The following ERBB4 variants were observed in gnomAD, a reference collection of about 807,000 sequenced individuals.
ERBB4 encodes erb-b2 receptor tyrosine kinase 4, also known as receptor tyrosine-protein kinase erbB-4.
In ERBB4, 42 loss-of-function variants were observed where a neutral mutation model predicts 158.0. The ratio of observed to expected loss-of-function variants is 0.27; its 90% CI spans 0.21 to 0.34. The LOEUF (loss-of-function observed/expected upper bound fraction) is 0.34. Ranked by LOEUF, ERBB4 falls within the 10% of genes least tolerant of loss-of-function variation. The probability of loss-of-function intolerance (pLI) is 1.00; values close to 1 mark genes in which losing one functional copy is unlikely to be tolerated. For synonymous variants in ERBB4, 583 were observed against 558.7 expected (o/e 1.04, Z -0.61); for missense variants, 1,333 against 1,624.1 (o/e 0.82, Z 3.08).
At chr2:212,288,414 T>C (rs892701800) in intron 1 of ERBB4, among the ~76,000 whole-genome samples, 2 of 152,120 alleles carry the variant, frequency 1.3e-5, no homozygotes, top group East Asian at 3.9e-4. Context: ...CTGTCACTAC[T>C]ACTGAGACAG....
In ERBB4 at chr2:212,483,818, G is replaced by A. The variant is rs182274894; in HGVS notation, c.82+54631C>T. On this transcript the variant is annotated intron_variant, in intron 1 of 27. Transcript: ENST00000342788. The stretch of plus-strand genomic sequence containing the variant: ...GTGGCGCGATCTCAGCTCACTGCAA[G>A]CTCCGCCTTCAGGGTTCACGCCATT... 9.3e-4 allele frequency among the ~76,000 whole-genome samples: 142 copies of A among 152,188 alleles called. 5 individuals carry two copies. The East Asian group carries it at 0.024, about 26-fold the overall frequency.
chr2:212,457,410 C>T (rs951332770), intron 1 of ERBB4, among the ~76,000 whole-genome samples: 4 of 151,958 alleles, frequency 2.6e-5, no homozygotes, highest in African/African-American at 9.7e-5. Context: ...ACAGACTGTT[C>T]CAAATTTTGT....
At chr2:212,169,389 T>A (rs1417763798) in intron 1 of ERBB4, among the ~76,000 whole-genome samples, 2 of 152,034 alleles carry the variant, frequency 1.3e-5, no homozygotes, top group African/African-American at 4.8e-5. Context: ...TGGACAAACC[T>A]GACAAAAACA....
intron 1 of ERBB4, among the ~76,000 whole-genome samples, chr2:212,221,823 C>A (rs185194984): frequency 1.8e-3 from 272 of 151,536 alleles, no homozygotes; most frequent in African/African-American, 5.7e-3. Flanking sequence ...CTAGCACCAA[C>A]ACTATAATTA....
chr2:212,538,376 G>A, intron 1 of ERBB4, 73 bp downstream of exon 1: 3 of 1,329,474 alleles, frequency 2.3e-6, no homozygotes, highest in Non-Finnish European at 3.3e-6. Context: ...GGGTGAAGAG[G>A]GCAGGGGAGC....
chr2:212,165,194 A>G (rs1017488865), intron 1 of ERBB4, among the ~76,000 whole-genome samples: 14 of 151,956 alleles, frequency 9.2e-5, no homozygotes, highest in African/African-American at 3.4e-4. Flanking sequence ...TTAAGATGAA[A>G]CTGGTTCAAT....
At chr2:211,721,932 G>A (rs535535295) in intron 7 of ERBB4, among the ~76,000 whole-genome samples, 18 of 152,082 alleles carry the variant, frequency 1.2e-4, no homozygotes, top group Middle Eastern at 3.4e-3. Context: ...GCACCGTCTC[G>A]GCTCACTGCA....
intron 3 of ERBB4, among the ~76,000 whole-genome samples, chr2:211,861,027 TAAATATAATATATTTATATATTTATA>T (rs1559585193): frequency 1.3e-4 from 4 of 30,252 alleles, no homozygotes; most frequent in African/African-American, 2.0e-4. Context: ...TATATATATA[TAAATATAATATATTTATATATTTATA>T]TATATATAAA....
Position 211,897,590 on chromosome 2 carries a change from C to T in ERBB4, c.421+49840G>A, listed in dbSNP as rs555358067. Reference sequence around the variant, plus strand: ...GAATTAGACCCAGCAGGCCTTCCCTCCTTGACCCTGCCTCAACCAGGAAAA... The same window carrying T: ...GAATTAGACCCAGCAGGCCTTCCCTTCTTGACCCTGCCTCAACCAGGAAAA... On this transcript the variant is annotated intron_variant, in intron 3 of 27. Transcript: ENST00000342788. Among the ~76,000 whole-genome samples, 84 of 152,228 alleles carry T rather than the reference C, an allele frequency of 5.5e-4. 1 individual carries two copies. Among genetic ancestry groups the T allele is most frequent in the Non-Finnish European group, 1.1e-3 (75 of 68,012 alleles).
chr2:212,418,229 A>G (rs939695584), intron 1 of ERBB4, among the ~76,000 whole-genome samples: 3 of 151,954 alleles, frequency 2.0e-5, no homozygotes, highest in Admixed American at 1.3e-4. Flanking sequence ...ACAAATTCCC[A>G]CCATATTAAT....
intron 3 of ERBB4, among the ~76,000 whole-genome samples, chr2:211,917,020 C>T (rs1199402513): frequency 6.6e-6 from 1 of 151,998 alleles, no homozygotes; most frequent in Non-Finnish European, 1.5e-5. Context: ...GATTTGATAC[C>T]AGTGGTTACA....
In ERBB4 at chr2:212,451,624, T is replaced by G. The variant is rs540758310; in HGVS notation, c.82+86825A>C. Among the ~76,000 whole-genome samples the G allele has an allele frequency of 7.2e-5, 11 of 152,354 alleles. No homozygotes were observed. In the East Asian group the frequency reaches 2.1e-3, roughly 29 times the overall value. On this transcript the variant is annotated intron_variant, in intron 1 of 27. Transcript: ENST00000342788. ...CACACACCTAGTTTATCTTTAATAG[T>G]GTTTTTTAATAACCTAACAGTGCTA... is the stretch of plus-strand genomic sequence containing the variant.
chr2:211,381,717 A>C lies in ERBB4; in HGVS notation c.*1898T>G. On this transcript the variant is annotated 3_prime_UTR_variant, in exon 28 of 28. Coordinates refer to ENST00000342788, the MANE Select transcript of ERBB4 (RefSeq NM_005235.3). Reference sequence around the variant, plus strand: ...TTGTTCAGAATAGGAAGAAACACAAATTTCTTTGGATTTTTTTCTCTAAAC... The same window carrying C: ...TTGTTCAGAATAGGAAGAAACACAACTTTCTTTGGATTTTTTTCTCTAAAC... 1 of 231,412 alleles carries C rather than the reference A, an allele frequency of 4.3e-6. No individual in the cohort carries two copies. Among genetic ancestry groups the C allele is most frequent in the East Asian group, 6.1e-5 (1 of 16,290 alleles). The allele number at this position is 231,412 out of a possible 1,614,324, so 14.3% of individuals were successfully genotyped here. A position where few individuals can be genotyped will look rare whatever the true frequency, so the allele number is the denominator to read the frequency against.
chr2:211,938,665 A>G (rs1451548790), intron 3 of ERBB4, among the ~76,000 whole-genome samples: 1 of 152,090 alleles, frequency 6.6e-6, no homozygotes. Context: ...AAGAATAGAC[A>G]TGCTTGACTA....
chr2:211,671,344 T>C (rs1405361577), intron 14 of ERBB4, among the ~76,000 whole-genome samples: 1 of 152,158 alleles, frequency 6.6e-6, no homozygotes, highest in Non-Finnish European at 1.5e-5. Context: ...AACTAGGTAC[T>C]AAATAATATT....
rs145409855 is a variant in ERBB4, at chr2:212,010,286, GA to G, written c.235-62671del. On this transcript the variant is annotated intron_variant, in intron 2 of 27. Coordinates refer to ENST00000342788, the MANE Select transcript of ERBB4 (RefSeq NM_005235.3). ...CCCTCAAAAACTAGTACTGCAGCAG[GA>G]CTATCAAATCTAAGCTTCTGGTGGT... Among the ~76,000 whole-genome samples the G allele has an allele frequency of 3.8e-3, 578 of 152,224 alleles. 3 individuals carry two copies. The highest frequency in any genetic ancestry group is 0.013 in the African/African-American group (549 of 41,518).
intron 1 of ERBB4, among the ~76,000 whole-genome samples, chr2:212,199,703 C>T (rs16847869): frequency 0.055 from 8,360 of 151,974 alleles, 315 homozygotes; most frequent in Non-Finnish European, 0.081. Context: ...TAAATCTGCT[C>T]ATGAAAATAT....
chr2:211,488,600 A>G (rs557003766), intron 20 of ERBB4, among the ~76,000 whole-genome samples: 3 of 152,222 alleles, frequency 2.0e-5, no homozygotes, highest in African/African-American at 7.2e-5. Flanking sequence ...AATAAGTGTC[A>G]GAGTAAGCAA....
At chr2:212,264,132 G>T (rs1310048436) in intron 1 of ERBB4, among the ~76,000 whole-genome samples, 1 of 152,138 alleles carries the variant, frequency 6.6e-6, no homozygotes, top group Non-Finnish European at 1.5e-5. Flanking sequence ...AAGGGGCTAA[G>T]TTTCAAAATC....
Sources: allele counts gnomAD v4.1 joint callset (sites outside exome capture counted in the v4.1 genomes callset), GRCh38; gene constraint gnomAD v4.1.1; transcripts MANE v1.5; gene names NCBI Gene and HGNC (gene_info 2026-07-23, HGNC 2026-07-21).